Variants in DRC7 observed in about 807,000 individuals in gnomAD.
DRC7 encodes the protein dynein regulatory complex subunit 7.
In DRC7, 80 loss-of-function variants were observed where a neutral mutation model predicts 104.4. The observed-to-expected ratio is 0.77, with a 90% CI of 0.64 to 0.92. The LOEUF is 0.92. Among genes scored for constraint, DRC7 ranks in the 40% least tolerant of loss-of-function variants. The pLI is 0.00. For missense variants in DRC7, 1,034 were observed against 1,141.1 expected (o/e 0.91, Z 1.35); for synonymous variants, 405 against 447.3 (o/e 0.91, Z 1.19).
In DRC7 at chr16:57,704,968, G is replaced by A. The variant is rs2048696374; in HGVS notation, c.792G>A (p.Val264=). The part of the protein sequence containing the change: ...LCSRFEQEQE[V]KKQQEIRAQE... ...GCAGGTTTGAGCAGGAGCAAGAGGT[G>A]AAGAAGCAGCAGGAGATCAGAGCCC... The change falls in exon 7 of 19, where the codon GTG becomes GTA. Residue 264 remains valine (V), a synonymous_variant. Transcript: ENST00000360716. 1 of 1,613,764 alleles carries A rather than the reference G, an allele frequency of 6.2e-7. No individual in the cohort carries two copies. Among genetic ancestry groups the A allele is most frequent in the Non-Finnish European group, 8.5e-7 (1 of 1,179,954 alleles).
chr16:57,701,704 C>A, intron 5 of DRC7: 1 of 524,822 alleles, frequency 1.9e-6, no homozygotes. Context: ...TTCCCCCTAT[C>A]AGGAAGTCCA....
Position 57,707,639 on chromosome 16 carries a change from C to A in DRC7, c.1038C>A (p.Asn346Lys). Residue 346 changes from asparagine to lysine, a missense_variant, in exon 8 of 19, where the codon AAC (asparagine) becomes AAA (lysine). Physicochemically the swap from Asn to Lys is moderately conservative, Grantham distance 94 (BLOSUM62 0). Transcript: ENST00000360716. The part of the protein sequence containing the change: ...LGIESLWNHK[N>K]YWINMQDCWN... ...TCGAAAGCCTGTGGAACCACAAGAA[C>A]TACTGGATCAACATGCAGGATTGCT... The A allele has an allele frequency of 6.2e-7, 1 of 1,613,528 alleles. No homozygotes were observed. The highest frequency in any genetic ancestry group is 1.1e-5 in the South Asian group (1 of 91,080).
chr16:57,704,977 GCAGGAGATCAGAGCC>G lies in DRC7; in HGVS notation c.809_823del (p.Ile270_Glu274del). ...AGCAGGAGCAAGAGGTGAAGAAGCA[GCAGGAGATCAGAGCC>G]CAGGAGAAGAAGCGGCTGAGGGAGG... On this transcript the variant is annotated inframe_deletion, in exon 7 of 19. Coordinates refer to ENST00000360716, the MANE Select transcript of DRC7 (RefSeq NM_001289162.2). 3 of 1,613,630 alleles carry G rather than the reference GCAGGAGATCAGAGCC, an allele frequency of 1.9e-6. No individual in the cohort carries two copies. The highest frequency in any genetic ancestry group is 2.5e-6 in the Non-Finnish European group (3 of 1,179,942).
intron 8 of DRC7, among the ~76,000 whole-genome samples, chr16:57,714,551 G>A (rs1567880241): frequency 2.0e-5 from 3 of 152,062 alleles, no homozygotes; most frequent in South Asian, 2.1e-4. Context: ...GCTTGAGCCC[G>A]GGAGGTCAAG....
In DRC7 at chr16:57,707,505, C is replaced by A; in HGVS notation, c.904C>A (p.His302Asn). 1 of 1,613,386 alleles carries A rather than the reference C, an allele frequency of 6.2e-7. No individual in the cohort carries two copies. The highest frequency in any genetic ancestry group is 8.5e-7 in the Non-Finnish European group (1 of 1,180,002). Residue 302 changes from histidine to asparagine, a missense_variant, in exon 8 of 19, where the codon CAC (histidine) becomes AAC (asparagine). Transcript: ENST00000360716. ...KPDALHGLRV[H>N]SWVLVLSGKR... ...GGATGCCCTGCACGGCCTGCGGGTGCACTCCTGGGTCCTTGTGCTATCGGG... is the reference window on the plus strand; with the variant it reads ...GGATGCCCTGCACGGCCTGCGGGTGAACTCCTGGGTCCTTGTGCTATCGGG...
intron 3 of DRC7, 86 bp from the exon 4 acceptor site, chr16:57,698,764 G>T: frequency 1.6e-6 from 2 of 1,282,242 alleles, no homozygotes; most frequent in Non-Finnish European, 2.2e-6. Context: ...AAATGAGGAA[G>T]GGGTAGAGCC....
chr16:57,720,571 G>A (rs1044776977), intron 9 of DRC7, among the ~76,000 whole-genome samples: 8 of 152,188 alleles, frequency 5.3e-5, no homozygotes, highest in African/African-American at 1.7e-4. Flanking sequence ...CCTGGCCCAA[G>A]AGCCCTCATT....
Position 57,706,723 on chromosome 16 carries a change from A to G in DRC7, c.859-737A>G, listed in dbSNP as rs553890670. 9.4e-5 allele frequency among the ~76,000 whole-genome samples: 10 copies of G among 106,002 alleles called. 1 individual carries two copies. Among genetic ancestry groups the G allele is most frequent in the African/African-American group, 3.1e-4 (9 of 29,490 alleles). The allele number at this position is 106,002 out of a possible 152,430, so 69.5% of individuals were successfully genotyped here. ...CTCCAACCCATCCTCCCATCCGTCC[A>G]TCCTCCCATCCATCCACCCTCCTAC... is the stretch of plus-strand genomic sequence containing the variant. On this transcript the variant is annotated intron_variant, in intron 7 of 18. Transcript: ENST00000360716.
intron 7 of DRC7, among the ~76,000 whole-genome samples, chr16:57,705,582 T>C (rs2048706263): frequency 9.2e-6 from 1 of 109,112 alleles, no homozygotes. Flanking sequence ...CATCCATCCA[T>C]CCTCCCAACC....
chr16:57,712,821 C>T (rs1338040882), intron 8 of DRC7, among the ~76,000 whole-genome samples: 2 of 152,154 alleles, frequency 1.3e-5, no homozygotes, highest in African/African-American at 4.8e-5. Flanking sequence ...GCATGCACCA[C>T]GCCCAGCTAA....
intron 8 of DRC7, among the ~76,000 whole-genome samples, chr16:57,710,364 A>G (rs1450244209): frequency 1.3e-5 from 2 of 152,222 alleles, no homozygotes; most frequent in Non-Finnish European, 2.9e-5. Flanking sequence ...TTGATCTTCT[A>G]TCCTGAAATC....
intron 18 of DRC7, 44 bp from the exon 19 acceptor site, chr16:57,731,121 G>T (rs1283710568): frequency 4.3e-6 from 7 of 1,613,722 alleles, no homozygotes; most frequent in Non-Finnish European, 5.9e-6. Context: ...TGGACCACCA[G>T]CTTTGTAACC....
Position 57,726,105 on chromosome 16 carries a change from C to T in DRC7, c.1796C>T (p.Pro599Leu). The change falls in exon 14 of 19, where the codon CCC becomes CTC. Residue 599 changes from proline to leucine, a missense_variant. Pro to Leu is a moderately conservative substitution (Grantham distance 98, BLOSUM62 -3). Transcript: ENST00000360716. ...TERFFRNPAKPAEEDVAERVF... is the reference protein window; with the variant it reads ...TERFFRNPAKLAEEDVAERVF... ...CGGTTCTTCCGCAACCCAGCGAAGC[C>T]CGCGGAGGAGGACGTGGCAGAGCGC... is the stretch of plus-strand genomic sequence containing the variant. 1 of 1,613,364 alleles carries T rather than the reference C, an allele frequency of 6.2e-7. No individual in the cohort carries two copies. The highest frequency in any genetic ancestry group is 8.5e-7 in the Non-Finnish European group (1 of 1,180,018).
intron 14 of DRC7, 31 bp from the exon 15 acceptor site, chr16:57,726,801 C>A: frequency 6.9e-7 from 1 of 1,442,850 alleles, no homozygotes. Context: ...ATGGCAGCCT[C>A]TCTGTGTTAC....
rs749432283 is a variant in DRC7, at chr16:57,721,693, C to T, written c.1233C>T (p.Phe411=). Residue 411 remains phenylalanine, a synonymous_variant, in exon 10 of 19, where the codon TTC becomes TTT. Coordinates refer to ENST00000360716, the MANE Select transcript of DRC7 (RefSeq NM_001289162.2). The part of the protein sequence containing the change: ...NLGKEDEDKS[F]DMPHSWVEQI... ...GCAAGGAGGATGAGGATAAGAGCTT[C>T]GACATGCCCCACTCGTGGGTGGAGC... 5.6e-6 allele frequency: 9 copies of T among 1,613,860 alleles called. No individual in the cohort carries two copies. In the East Asian group the frequency reaches 1.1e-4, roughly 20 times the overall value.
chr16:57,706,234 ACCCAC>A (rs2048724417), intron 7 of DRC7, among the ~76,000 whole-genome samples: 4 of 36,596 alleles, frequency 1.1e-4, no homozygotes, highest in Admixed American at 2.8e-4. Flanking sequence ...CCATCCTCCC[ACCCAC>A]CCTCCCATCC....
chr16:57,726,193 G>A lies in DRC7; in HGVS notation c.1884G>A (p.Thr628=), dbSNP rs778419271. 7 of 1,613,124 alleles carry A rather than the reference G, an allele frequency of 4.3e-6. No individual in the cohort carries two copies. Among genetic ancestry groups the A allele is most frequent in the East Asian group, 4.5e-5 (2 of 44,896 alleles). The change falls in exon 14 of 19, where the codon ACG becomes ACA. Residue 628 remains threonine, a synonymous_variant. Coordinates refer to ENST00000360716, the MANE Select transcript of DRC7 (RefSeq NM_001289162.2). ...LRYHCREDHI[T]ASKREFLRRT... ...ACCACTGCCGTGAGGACCACATCAC[G>A]GCCTCCAAGCGCGAGTTCCTGCGGC...
intron 4 of DRC7, 150 bp from the exon 5 acceptor site, chr16:57,699,995 G>C (rs1043593584): frequency 5.0e-5 from 43 of 862,856 alleles, no homozygotes; most frequent in African/African-American, 4.2e-4. Flanking sequence ...CCCAGCCAAG[G>C]GCTGCTCTGC....
At chr16:57,705,944 A>G (rs2048717311) in intron 7 of DRC7, among the ~76,000 whole-genome samples, 1 of 103,278 alleles carries the variant, frequency 9.7e-6, no homozygotes. Flanking sequence ...TCATCCATCC[A>G]TCCTCCCATC....
Sources: allele counts gnomAD v4.1 joint callset (sites outside exome capture counted in the v4.1 genomes callset), GRCh38; gene constraint gnomAD v4.1.1; transcripts MANE v1.5; gene names NCBI Gene and HGNC (gene_info 2026-07-23, HGNC 2026-07-21).